The following DNAJB1 variants were observed in gnomAD, a reference collection of about 807,000 sequenced individuals.
The protein encoded by DNAJB1 is dnaJ homolog subfamily B member 1.
A neutral mutation model predicts 24.0 loss-of-function variants in DNAJB1; 14 were observed. That is an observed-to-expected ratio of 0.58 (90% CI 0.39 to 0.91). The LOEUF (loss-of-function observed/expected upper bound fraction) is 0.91, where lower values mean the gene tolerates loss of function less well. DNAJB1 is among the 40% of genes least tolerant of loss of function. DNAJB1 has a pLI of 0.00. For missense variants in DNAJB1, 517 were observed against 458.1 expected (o/e 1.13, Z -1.17); for synonymous variants, 262 against 174.4 (o/e 1.50, Z -3.96).
chr19:14,538,498 A>G (rs1273362285), intron 1 of DNAJB1, among the ~76,000 whole-genome samples: 1 of 150,782 alleles, frequency 6.6e-6, no homozygotes, highest in Admixed American at 6.6e-5. Flanking sequence ...TGCTTTTGGC[A>G]CCTGACCTCT....
At position 14,546,616 on chromosome 19, in the gene DNAJB1, C is replaced by T. The variant is rs190500034; in HGVS notation, c.-214+3592G>A. Among the ~76,000 whole-genome samples the T allele has an allele frequency of 2.1e-3, 315 of 152,252 alleles. 1 individual carries two copies. The highest frequency in any genetic ancestry group is 7.2e-3 in the African/African-American group (299 of 41,552). ...ATCTTGGCCTGGCTGCATGCACTAC[C>T]GTGTCTAGCCTGGATTTTTCTTTCT... On this transcript the variant is annotated intron_variant, in intron 1 of 3. Transcript: ENST00000676982.
At position 14,516,553 on chromosome 19, in the gene DNAJB1, G is replaced by A. The variant is rs753847732; in HGVS notation, c.705C>T (p.Ile235=). The A allele has an allele frequency of 5.0e-6, 8 of 1,614,198 alleles. No individual in the cohort carries two copies. The South Asian group carries it at 5.5e-5, about 11-fold the overall frequency. Residue 235 remains isoleucine (I), a synonymous_variant, in exon 2 of 3, where the codon ATC becomes ATT. Coordinates refer to ENST00000254322, the MANE Select transcript of DNAJB1 (RefSeq NM_006145.3). ...DQTSNNIPAD[I]VFVLKDKPHN... ...GGGGCTTGTCCTTTAAAACAAAGACGATATCAGCTGGAATGTTGTTGGAGG... is the reference window on the plus strand; with the variant it reads ...GGGGCTTGTCCTTTAAAACAAAGACAATATCAGCTGGAATGTTGTTGGAGG...
intron 1 of DNAJB1, among the ~76,000 whole-genome samples, chr19:14,546,986 C>T (rs1244303437): frequency 1.3e-5 from 2 of 152,154 alleles, no homozygotes; most frequent in Non-Finnish European, 2.9e-5. Flanking sequence ...TGAGCCACTG[C>T]ACCCAGCCTA....
At chr19:14,545,614 A>G in intron 1 of DNAJB1, 1 of 193,748 alleles carries the variant, frequency 5.2e-6, no homozygotes, top group South Asian at 8.8e-5. Flanking sequence ...TTCATCACTG[A>G]GCCCAGCAGC....
At chr19:14,532,894 G>C (rs930331562), upstream of DNAJB1, among the ~76,000 whole-genome samples, 1 of 152,100 alleles carries the variant, frequency 6.6e-6, no homozygotes, top group Admixed American at 6.6e-5. Flanking sequence ...TGAATCACTT[G>C]AAGTCAGGAG....
At position 14,518,142 on chromosome 19, in the gene DNAJB1, C is replaced by A; in HGVS notation, c.208G>T (p.Glu70Ter). 6.4e-7 allele frequency: 1 copy of A among 1,553,220 alleles called. No individual in the cohort carries two copies. Reference sequence around the variant, plus strand: ...GCCCCTGGCCGCGAGCACACACCTTCCTCCCCGTAGCGGTCGAAGATCTCG... The same window carrying A: ...GCCCCTGGCCGCGAGCACACACCTTACTCCCCGTAGCGGTCGAAGATCTCG... ...KREIFDRYGE[E>*]GLKGSGPSGG... Residue 70 changes from glutamate to a stop codon, truncating the protein, a stop_gained, in exon 1 of 3, where the codon GAA becomes TAA. Coordinates refer to ENST00000254322, the MANE Select transcript of DNAJB1 (RefSeq NM_006145.3). LOFTEE classifies it high-confidence loss of function.
intron 1 of DNAJB1, among the ~76,000 whole-genome samples, chr19:14,537,584 T>C (rs918329103): frequency 2.6e-5 from 4 of 152,110 alleles, no homozygotes; most frequent in African/African-American, 7.2e-5. Flanking sequence ...GCCAGAGACC[T>C]TGAGCTAGTT....
chr19:14,525,194 C>G (rs1388148994), intron 2 of DNAJB1, among the ~76,000 whole-genome samples: 1 of 152,176 alleles, frequency 6.6e-6, no homozygotes, highest in Non-Finnish European at 1.5e-5. Flanking sequence ...GATTGCGCCA[C>G]TGCACTCCAG....
intron 1 of DNAJB1, among the ~76,000 whole-genome samples, chr19:14,542,861 C>T (rs1314944870): frequency 2.0e-5 from 3 of 152,118 alleles, no homozygotes; most frequent in African/African-American, 7.2e-5. Flanking sequence ...GTCACAGTGA[C>T]AGGCTGGCAT....
At chr19:14,517,074 A>G (rs777715937) in intron 1 of DNAJB1, 28 bp from the exon 2 acceptor site, 1 of 1,576,830 alleles carries the variant, frequency 6.3e-7, no homozygotes, top group Non-Finnish European at 8.6e-7. Flanking sequence ...AAGCAGTCAG[A>G]TGGCTGAACA....
chr19:14,538,756 C>T (rs1431508140), intron 1 of DNAJB1, among the ~76,000 whole-genome samples: 2 of 151,824 alleles, frequency 1.3e-5, no homozygotes, highest in African/African-American at 2.4e-5. Context: ...TGGTCTTGAA[C>T]TCCTGACCTC....
At chr19:14,530,754 C>G (rs552081422), upstream of DNAJB1, 11 of 152,260 alleles carry the variant, frequency 7.2e-5, no homozygotes, top group Middle Eastern at 3.4e-3. Flanking sequence ...TTTCTCACTT[C>G]CCCTCCAATT....
chr19:14,518,077 G>A lies in DNAJB1; in HGVS notation c.211+62C>T, dbSNP rs148620822. 643 of 1,371,726 alleles carry A rather than the reference G, an allele frequency of 4.7e-4. 1 individual carries two copies. The highest frequency in any genetic ancestry group is 5.9e-4 in the Non-Finnish European group (623 of 1,061,640). 85.0% of individuals were successfully genotyped at this position (1,371,726 alleles called of 1,614,324 possible). A position where few individuals can be genotyped will look rare whatever the true frequency, so the allele number is the denominator to read the frequency against. On this transcript the variant is annotated intron_variant, in intron 1 of 2. Transcript: ENST00000254322. ...CCCGGGGGGCCGCCGAGAGGGGCCA[G>A]CGTGCCTCAGTTTCCCTGTCTGTCA...
chr19:14,517,924 T>C lies in DNAJB1; in HGVS notation c.211+215A>G, dbSNP rs1003964367. 775 of 461,920 alleles carry C rather than the reference T, an allele frequency of 1.7e-3. 4 individuals carry two copies. The highest frequency in any genetic ancestry group is 1.8e-3 in the Non-Finnish European group (503 of 272,934). The allele number at this position is 461,920 out of a possible 1,614,324, so 28.6% of individuals were successfully genotyped here. On this transcript the variant is annotated intron_variant, in intron 1 of 2. Coordinates refer to ENST00000254322, the MANE Select transcript of DNAJB1 (RefSeq NM_006145.3). ...GCCCGGGGAGGGGCAGCCCCAGACA[T>C]GCTAGAAGCTTCTGGCCGAGCGGCT... is the stretch of plus-strand genomic sequence containing the variant.
rs767388344 is a variant in DNAJB1, at chr19:14,518,230, G to C, written c.120C>G (p.Gly40=). ...RYHPDKNKEP[G]AEEKFKEIAE... ...CGATCTCCTTGAACTTCTCCTCGGC[G>C]CCGGGCTCCTTGTTCTTGTCCGGGT... The change falls in exon 1 of 3, where the codon GGC becomes GGG. Residue 40 remains glycine, a synonymous_variant. Transcript: ENST00000254322. 3 of 1,609,640 alleles carry C rather than the reference G, an allele frequency of 1.9e-6. No individual in the cohort carries two copies. Among genetic ancestry groups the C allele is most frequent in the Admixed American group, 1.7e-5 (1 of 59,570 alleles).
chr19:14,516,593 T>C lies in DNAJB1; in HGVS notation c.665A>G (p.Lys222Arg). 6.2e-7 allele frequency: 1 copy of C among 1,614,232 alleles called. No homozygotes were observed. Residue 222 changes from lysine to arginine, a missense_variant, in exon 2 of 3, where the codon AAG becomes AGG. Transcript: ENST00000254322. ...WKEGTKITFP[K>R]EGDQTSNNIP... Reference sequence around the variant, plus strand: ...GTTGTTGGAGGTCTGGTCTCCTTCCTTGGGGAAAGTGATTTTGGTTCCTTC... The same window carrying C: ...GTTGTTGGAGGTCTGGTCTCCTTCCCTGGGGAAAGTGATTTTGGTTCCTTC...
intron 1 of DNAJB1, 93 bp from the exon 2 acceptor site, chr19:14,517,139 G>A (rs1200685437): frequency 3.6e-6 from 5 of 1,371,480 alleles, no homozygotes; most frequent in Admixed American, 2.4e-5. Context: ...AAGCCATGGG[G>A]GAGGAACTTT....
intron 1 of DNAJB1, among the ~76,000 whole-genome samples, chr19:14,555,811 C>G (rs1204987766): frequency 6.6e-6 from 1 of 152,172 alleles, no homozygotes; most frequent in Admixed American, 6.5e-5. Context: ...GTCTTGAACT[C>G]CTGGGCTTAA....
In DNAJB1 at chr19:14,515,374, C is replaced by A. The variant is rs779311082; in HGVS notation, c.*566G>T. 6.5e-6 allele frequency: 1 copy of A among 152,960 alleles called. No individual in the cohort carries two copies. Among genetic ancestry groups the A allele is most frequent in the African/African-American group, 2.4e-5 (1 of 41,402 alleles). 9.5% of individuals were successfully genotyped at this position (152,960 alleles called of 1,614,324 possible). A position where few individuals can be genotyped will look rare whatever the true frequency, so the allele number is the denominator to read the frequency against. On this transcript the variant is annotated 3_prime_UTR_variant, in exon 3 of 3. Coordinates refer to ENST00000254322, the MANE Select transcript of DNAJB1 (RefSeq NM_006145.3). Reference sequence around the variant, plus strand: ...GCTGGCTCCCTTGGTCCTGCTGGAACGAGAGGTATTGCTTGTGGACGCCAA... The same window carrying A: ...GCTGGCTCCCTTGGTCCTGCTGGAAAGAGAGGTATTGCTTGTGGACGCCAA...
Sources: gnomAD v4.1 joint callset for allele counts (sites outside exome capture counted in the v4.1 genomes callset) on GRCh38, gnomAD v4.1.1 for gene constraint, MANE v1.5 for transcripts, NCBI Gene and HGNC (gene_info 2026-07-23, HGNC 2026-07-21) for gene names.